PPFIA4: variants seen among roughly 807,000 people sequenced by gnomAD.
The protein encoded by PPFIA4 is PPFI scaffold protein A4, also known as liprin-alpha-4.
A neutral mutation model predicts 145.7 loss-of-function variants in PPFIA4; 98 were observed. That is an observed-to-expected ratio of 0.67 (90% confidence interval 0.57 to 0.80). The LOEUF is 0.80. Among genes scored for constraint, PPFIA4 ranks in the 30% least tolerant of loss-of-function variants. The pLI is 0.00. For missense variants in PPFIA4, 1,457 were observed against 1,632.7 expected (o/e 0.89, Z 1.85); for synonymous variants, 628 against 649.6 (o/e 0.97, Z 0.51).
At position 203,044,717 on chromosome 1, in the gene PPFIA4, G is replaced by A. The variant is rs542912164; in HGVS notation, c.598G>A (p.Ala200Thr). The change falls in exon 6 of 30, where the codon GCA (alanine) becomes ACA (threonine). Residue 200 changes from alanine (A) to threonine (T), a missense_variant. Ala to Thr is a moderately conservative substitution (Grantham distance 58). Coordinates refer to ENST00000295706, the MANE Select transcript of PPFIA4 (RefSeq NM_001304331.2). ...ACAGGTGTCTGCCCTGCAGCAGGGGGCAGGGGTGCGGGATGGAGCGGCAGA... is the reference window on the plus strand; with the variant it reads ...ACAGGTGTCTGCCCTGCAGCAGGGGACAGGGGTGCGGGATGGAGCGGCAGA... ...HQQVSALQQG[A>T]GVRDGAAEEE... The A allele has an allele frequency of 8.3e-6, 13 of 1,560,250 alleles. No homozygotes were observed. The highest frequency in any genetic ancestry group is 1.1e-5 in the Non-Finnish European group (13 of 1,152,372).
intron 27 of PPFIA4, among the ~76,000 whole-genome samples, chr1:203,069,570 T>C (rs943291970): frequency 6.6e-6 from 1 of 152,226 alleles, no homozygotes; most frequent in African/African-American, 2.4e-5. Flanking sequence ...GTCTGGACTG[T>C]TTGCAGCTGT....
intron 1 of PPFIA4, among the ~76,000 whole-genome samples, chr1:203,033,663 C>T (rs1224765272): frequency 6.6e-6 from 1 of 152,086 alleles, no homozygotes; most frequent in African/African-American, 2.4e-5. Context: ...ACAGGAGCAG[C>T]CCCCATCTTG....
In PPFIA4 at chr1:203,076,413, C is replaced by T. The variant is rs1307444211; in HGVS notation, c.*23C>T. 1 of 1,606,072 alleles carries T rather than the reference C, an allele frequency of 6.2e-7. No homozygotes were observed. Among genetic ancestry groups the T allele is most frequent in the South Asian group, 1.1e-5 (1 of 91,044 alleles). ...TAGCCATGGCCCCCAGGGCTGGCTT[C>T]CTCCTTCTGGGTTTCACAGGCTCCT... On this transcript the variant is annotated 3_prime_UTR_variant, in exon 30 of 30. Transcript: ENST00000295706.
intron 1 of PPFIA4, among the ~76,000 whole-genome samples, chr1:203,030,880 C>A (rs1658776136): frequency 6.6e-6 from 1 of 152,196 alleles, no homozygotes; most frequent in African/African-American, 2.4e-5. Flanking sequence ...TGTGTACCCA[C>A]ACATGTGTTC....
At chr1:203,073,265 G>T (rs1215044711) in intron 28 of PPFIA4, among the ~76,000 whole-genome samples, 2 of 152,234 alleles carry the variant, frequency 1.3e-5, no homozygotes, top group African/African-American at 4.8e-5. Flanking sequence ...GAGCAGGACC[G>T]AAGCAGATGC....
In PPFIA4 at chr1:203,038,833, C is replaced by A. The variant is rs903345163; in HGVS notation, c.-176C>A. 5.4e-6 allele frequency: 3 copies of A among 555,384 alleles called. No individual in the cohort carries two copies. Among genetic ancestry groups the A allele is most frequent in the Non-Finnish European group, 9.6e-6 (3 of 313,398 alleles). 34.4% of individuals were successfully genotyped at this position (555,384 alleles called of 1,614,324 possible). A position where few individuals can be genotyped will look rare whatever the true frequency, so the allele number is the denominator to read the frequency against. On this transcript the variant is annotated 5_prime_UTR_variant, in exon 2 of 30. Coordinates refer to ENST00000295706, the MANE Select transcript of PPFIA4 (RefSeq NM_001304331.2). The stretch of plus-strand genomic sequence containing the variant: ...CTCAGTTCCACAGGGGCACTCCAGA[C>A]CCCAGGCCCCTTTCAGAGCAAAAGC...
intron 6 of PPFIA4, 131 bp from the exon 7 acceptor site, chr1:203,045,237 G>C (rs1659984505): frequency 7.8e-6 from 6 of 770,296 alleles, no homozygotes; most frequent in Non-Finnish European, 1.2e-5. Context: ...AGCCAGAGGA[G>C]TGCTGTGATG....
Position 203,056,173 on chromosome 1 carries a change from G to A in PPFIA4, c.2106+18G>A. On this transcript the variant is annotated intron_variant, in intron 17 of 29. Transcript: ENST00000295706. ...AGCTGCTGGTGAGTGCTGCCTGATGGCCCAGGTACTAACGGGTTCACTGCT... is the reference window on the plus strand; with the variant it reads ...AGCTGCTGGTGAGTGCTGCCTGATGACCCAGGTACTAACGGGTTCACTGCT... The A allele has an allele frequency of 6.2e-7, 1 of 1,613,886 alleles. No individual in the cohort carries two copies. Among genetic ancestry groups the A allele is most frequent in the Non-Finnish European group, 8.5e-7 (1 of 1,179,846 alleles).
chr1:203,029,279 G>A (rs749655883), intron 1 of PPFIA4, among the ~76,000 whole-genome samples: 3 of 152,202 alleles, frequency 2.0e-5, no homozygotes, highest in Non-Finnish European at 2.9e-5. Context: ...ATCCCCCCAG[G>A]TGAAGTCAGC....
chr1:203,071,894 A>T (rs1662196081), intron 28 of PPFIA4, 134 bp downstream of exon 28: 9 of 790,472 alleles, frequency 1.1e-5, no homozygotes. Flanking sequence ...GGGGATGGGG[A>T]TAATGTCAGG....
At chr1:203,049,564 T>C in intron 12 of PPFIA4, 112 bp from the exon 13 acceptor site, 1 of 965,418 alleles carries the variant, frequency 1.0e-6, no homozygotes. Context: ...CAGTACATTC[T>C]TCAGCTTCTC....
chr1:203,067,916 G>C, intron 26 of PPFIA4, 124 bp downstream of exon 26: 1 of 812,254 alleles, frequency 1.2e-6, no homozygotes, highest in Non-Finnish European at 2.0e-6. Flanking sequence ...GGAAGATGCA[G>C]CCTCACCTTA....
Position 203,044,727 on chromosome 1 carries a change from G to C in PPFIA4, c.608G>C (p.Arg203Pro), listed in dbSNP as rs759978415. ...VSALQQGAGV[R>P]DGAAEEEGTV... Reference sequence around the variant, plus strand: ...GCCCTGCAGCAGGGGGCAGGGGTGCGGGATGGAGCGGCAGAAGAGGAGGGG... The same window carrying C: ...GCCCTGCAGCAGGGGGCAGGGGTGCCGGATGGAGCGGCAGAAGAGGAGGGG... Residue 203 changes from arginine (R) to proline (P), a missense_variant, in exon 6 of 30, where the codon CGG (arginine) becomes CCG (proline). Transcript: ENST00000295706. 20 of 1,563,256 alleles carry C rather than the reference G, an allele frequency of 1.3e-5. No individual in the cohort carries two copies. The African/African-American group carries it at 2.4e-4, about 19-fold the overall frequency.
chr1:203,044,351 T>G (rs1247084989), intron 4 of PPFIA4, 28 bp from the exon 5 acceptor site: 2 of 1,547,230 alleles, frequency 1.3e-6, no homozygotes, highest in African/African-American at 2.7e-5. Flanking sequence ...TCCCCCTTTC[T>G]TCCTCCATCT....
At chr1:203,071,610 C>A in intron 27 of PPFIA4, 82 bp from the exon 28 acceptor site, 2 of 1,160,194 alleles carry the variant, frequency 1.7e-6, no homozygotes, top group Non-Finnish European at 2.5e-6. Flanking sequence ...ACCTTGGACC[C>A]TTGGAAAATG....
intron 9 of PPFIA4, among the ~76,000 whole-genome samples, chr1:203,047,901 GT>G (rs1400356117): frequency 6.6e-6 from 1 of 152,232 alleles, no homozygotes; most frequent in East Asian, 1.9e-4. Context: ...AGGCGTAGAG[GT>G]TTATGGTAGC....
At chr1:203,052,063 C>G (rs983841926) in intron 14 of PPFIA4, among the ~76,000 whole-genome samples, 186 bp downstream of exon 14, 22 of 134,376 alleles carry the variant, frequency 1.6e-4, no homozygotes, top group Admixed American at 7.6e-5. Flanking sequence ...CCCCGCTTGC[C>G]TTGGCCTCCT....
In PPFIA4 at chr1:203,048,958, T is replaced by C. The variant is rs1301310358; in HGVS notation, c.1397T>C (p.Ile466Thr). ...IQELESSQRQ[I>T]EEQHHHKGRL... ...GAGTTGGAGAGCTCCCAGCGGCAGA[T>C]TGAGGAGCAGCACCACCACAAGGTA... The change falls in exon 12 of 30, where the codon ATT (isoleucine) becomes ACT (threonine). Residue 466 changes from isoleucine to threonine, a missense_variant. Ile to Thr is a moderately conservative substitution (Grantham distance 89). Around this residue, in one of 3 missense-constraint regions of PPFIA4, gnomAD observed 848 missense variants for 1,046.7 expected, o/e 0.81. Transcript: ENST00000295706. This position sits in a 1 kb window ranked among gnomAD's most constrained non-coding sequence, Gnocchi z 5.8. 1.3e-6 allele frequency: 2 copies of C among 1,548,262 alleles called. No individual in the cohort carries two copies. The highest frequency in any genetic ancestry group is 2.7e-5 in the African/African-American group (2 of 72,952).
chr1:203,076,619 T>C lies in PPFIA4; in HGVS notation c.*229T>C. The stretch of plus-strand genomic sequence containing the variant: ...ATGTGGCTGGGGTTTCCTGGTATTG[T>C]GGAGGCACCCAGGTTGTCCATGCTT... On this transcript the variant is annotated 3_prime_UTR_variant, in exon 30 of 30. Coordinates refer to ENST00000295706, the MANE Select transcript of PPFIA4 (RefSeq NM_001304331.2). The C allele has an allele frequency of 1.7e-6, 1 of 576,136 alleles. No homozygotes were observed. Among genetic ancestry groups the C allele is most frequent in the Non-Finnish European group, 3.1e-6 (1 of 322,814 alleles). 35.7% of individuals were successfully genotyped at this position (576,136 alleles called of 1,614,324 possible).
Sources: allele counts gnomAD v4.1 joint callset (sites outside exome capture counted in the v4.1 genomes callset), GRCh38; gene constraint gnomAD v4.1.1; regional missense constraint gnomAD v4.1.1; non-coding constraint Gnocchi (gnomAD v3.1); transcripts MANE v1.5; gene names NCBI Gene and HGNC (gene_info 2026-07-23, HGNC 2026-07-21).